The following SRGAP2C variants were observed in gnomAD, a reference collection of about 807,000 sequenced individuals.
SRGAP2C encodes the protein SLIT-ROBO Rho GTPase activating protein 2C.
Under a neutral mutation model 25.1 loss-of-function variants are expected in SRGAP2C, and 15 were observed. The ratio of observed to expected loss-of-function variants is 0.60; its 90% confidence interval spans 0.40 to 0.92. The LOEUF is 0.92. Among genes scored for constraint, SRGAP2C ranks in the 40% least tolerant of loss-of-function variants. The pLI is 0.00. For synonymous variants in SRGAP2C, 44 were observed against 96.6 expected (o/e 0.46, Z 3.19); for missense variants, 144 against 264.4 (o/e 0.54, Z 3.16).
chr1:121,368,450 C>T (rs1369036594), intron 5 of SRGAP2C, among the ~76,000 whole-genome samples: 1 of 148,438 alleles, frequency 6.7e-6, no homozygotes, highest in African/African-American at 2.5e-5. Context: ...ATTATTTCTT[C>T]TGGAGATTAA....
At chr1:121,295,153 A>C (rs1657569115) in intron 3 of SRGAP2C, among the ~76,000 whole-genome samples, 1 of 109,730 alleles carries the variant, frequency 9.1e-6, no homozygotes, top group African/African-American at 3.4e-5. Context: ...AAGAAAGAAC[A>C]AAGCACTTTT....
chr1:121,280,418 AAG>A (rs1657215281), intron 2 of SRGAP2C, among the ~76,000 whole-genome samples: 3 of 151,478 alleles, frequency 2.0e-5, no homozygotes, highest in Non-Finnish European at 4.4e-5. Flanking sequence ...AGAATATTTA[AAG>A]CAGAAACAAT....
intron 3 of SRGAP2C, among the ~76,000 whole-genome samples, chr1:121,303,828 G>C (rs1200096468): frequency 6.6e-6 from 1 of 151,828 alleles, no homozygotes; most frequent in African/African-American, 2.4e-5. Context: ...TCTCTGAACA[G>C]TGAGAAACCT....
intron 2 of SRGAP2C, among the ~76,000 whole-genome samples, chr1:121,198,251 C>T (rs1279693439): frequency 1.4e-5 from 2 of 144,478 alleles, no homozygotes; most frequent in African/African-American, 5.1e-5. Flanking sequence ...TTTAGGATAT[C>T]ATCCTTTAGG....
chr1:121,235,220 G>C (rs868953722), intron 2 of SRGAP2C, among the ~76,000 whole-genome samples: 55 of 116,468 alleles, frequency 4.7e-4, no homozygotes, highest in African/African-American at 1.8e-3. Context: ...TAGCAGAGAC[G>C]GGGTTTCACC....
At chr1:121,374,564 T>C (rs1659587269) in intron 6 of SRGAP2C, among the ~76,000 whole-genome samples, 1 of 152,084 alleles carries the variant, frequency 6.6e-6, no homozygotes, top group African/African-American at 2.4e-5. Context: ...CAGAGTGGCA[T>C]TGCAAGAATG....
chr1:121,317,049 G>A (rs1197767212), intron 3 of SRGAP2C, among the ~76,000 whole-genome samples: 1 of 130,780 alleles, frequency 7.6e-6, no homozygotes, highest in Non-Finnish European at 1.6e-5. Context: ...TTTTGCAGTG[G>A]GTTCATCCAA....
At chr1:121,307,459 C>T (rs1657867677) in intron 3 of SRGAP2C, among the ~76,000 whole-genome samples, 1 of 136,910 alleles carries the variant, frequency 7.3e-6, no homozygotes, top group Non-Finnish European at 1.6e-5. Context: ...ATTTGAAAGG[C>T]AGATTCCTGG....
At chr1:121,188,401 C>A (rs1342006229) in intron 2 of SRGAP2C, among the ~76,000 whole-genome samples, 1 of 151,130 alleles carries the variant, frequency 6.6e-6, no homozygotes, top group Non-Finnish European at 1.5e-5. Context: ...TTTTTTAAAC[C>A]AGCAATTCCC....
intron 2 of SRGAP2C, among the ~76,000 whole-genome samples, chr1:121,236,088 T>G (rs1234479750): frequency 7.5e-4 from 105 of 139,302 alleles, no homozygotes; most frequent in Non-Finnish European, 1.4e-3. Context: ...AAAAAAGGTG[T>G]TCCAGGATCT....
At chr1:121,255,282 G>T (rs1226038134) in intron 2 of SRGAP2C, among the ~76,000 whole-genome samples, 2 of 151,176 alleles carry the variant, frequency 1.3e-5, no homozygotes, top group African/African-American at 4.8e-5. Flanking sequence ...CCGTCTGTGG[G>T]TGGTCACTGT....
At position 121,391,286 on chromosome 1, in the gene SRGAP2C, A is replaced by G. The variant is rs1660074387; in HGVS notation, c.*3431A>G. The G allele has an allele frequency of 6.6e-6, 1 of 151,782 alleles. No homozygotes were observed. The highest frequency in any genetic ancestry group is 1.5e-5 in the Non-Finnish European group (1 of 67,926). 9.4% of individuals were successfully genotyped at this position (151,782 alleles called of 1,614,324 possible). On this transcript the variant is annotated 3_prime_UTR_variant, in exon 10 of 10. Coordinates refer to ENST00000367123, the MANE Select transcript of SRGAP2C (RefSeq NM_001329984.2). ...ACAAAGTCACACGTATTCATAGGTTAAGCCACATGCTGACAAATGTCATAA... is the reference window on the plus strand; with the variant it reads ...ACAAAGTCACACGTATTCATAGGTTGAGCCACATGCTGACAAATGTCATAA...
At chr1:121,343,284 G>T (rs1450182873) in intron 4 of SRGAP2C, among the ~76,000 whole-genome samples, 1 of 152,048 alleles carries the variant, frequency 6.6e-6, no homozygotes, top group African/African-American at 2.4e-5. Flanking sequence ...GCAGGCTGAA[G>T]CCCCAGTGGA....
intron 3 of SRGAP2C, among the ~76,000 whole-genome samples, chr1:121,312,224 A>G (rs1657977337): frequency 1.2e-4 from 3 of 24,010 alleles, no homozygotes; most frequent in African/African-American, 3.2e-4. Flanking sequence ...AGGTGTTTGT[A>G]GTATTCTCTG....
intron 2 of SRGAP2C, among the ~76,000 whole-genome samples, chr1:121,266,087 G>A (rs1482014389): frequency 1.3e-5 from 2 of 151,710 alleles, no homozygotes; most frequent in African/African-American, 4.8e-5. Context: ...TGATTGTCAT[G>A]CCTCAGACTC....
At chr1:121,362,163 G>A (rs1375890207) in intron 4 of SRGAP2C, 6 of 71,892 alleles carry the variant, frequency 8.3e-5, no homozygotes, top group East Asian at 3.6e-4. Context: ...CTGGGGCCAC[G>A]CTTTCCCCCA....
chr1:121,201,505 C>T (rs1396577233), intron 2 of SRGAP2C, among the ~76,000 whole-genome samples: 1 of 152,050 alleles, frequency 6.6e-6, no homozygotes, highest in Non-Finnish European at 1.5e-5. Context: ...AGACAGAAAC[C>T]TCCCAAGTTT....
intron 4 of SRGAP2C, among the ~76,000 whole-genome samples, chr1:121,328,910 AAAC>A (rs1658374835): frequency 2.9e-5 from 4 of 139,942 alleles, no homozygotes; most frequent in Admixed American, 7.2e-5. Flanking sequence ...AAAAAACAAA[AAAC>A]AAAAAACAAA....
intron 4 of SRGAP2C, among the ~76,000 whole-genome samples, chr1:121,359,707 C>CA (rs1425008650): frequency 6.6e-6 from 1 of 152,118 alleles, no homozygotes; most frequent in African/African-American, 2.4e-5. Context: ...CCCAAGAGTT[C>CA]AAGGCTGCAG....
Sources: gnomAD v4.1 joint callset for allele counts (sites outside exome capture counted in the v4.1 genomes callset) on GRCh38, gnomAD v4.1.1 for gene constraint, MANE v1.5 for transcripts, NCBI Gene and HGNC (gene_info 2026-07-23, HGNC 2026-07-21) for gene names.